AKAP13: variants seen among roughly 807,000 people sequenced by gnomAD.
AKAP13 encodes the protein A-kinase anchor protein 13.
In AKAP13, 80 loss-of-function variants were observed where a neutral mutation model predicts 264.5. That is an observed-to-expected ratio of 0.30 (90% CI 0.25 to 0.36). The LOEUF (loss-of-function observed/expected upper bound fraction) is 0.36. AKAP13 is among the 10% of genes least tolerant of loss of function. The probability of loss-of-function intolerance (pLI) is 1.00; values close to 1 mark genes in which losing one functional copy is unlikely to be tolerated. For synonymous variants in AKAP13, 1,380 were observed against 1,250.2 expected (o/e 1.10, Z -2.19); for missense variants, 3,712 against 3,435.2 (o/e 1.08, Z -2.01).
chr15:85,540,742 C>T (rs1250858752), intron 4 of AKAP13, among the ~76,000 whole-genome samples: 1 of 152,202 alleles, frequency 6.6e-6, no homozygotes, highest in Non-Finnish European at 1.5e-5. Context: ...CCCTTTGCAC[C>T]TTGGCCTCTT....
At position 85,581,717 on chromosome 15, in the gene AKAP13, C is replaced by A. The variant is rs777358897; in HGVS notation, c.3649C>A (p.Arg1217=). ...CCCAGCTGGTGTGAGGGAAGTCATG[C>A]GAGCCCCGCCTTCAGGCAGGGAAAG... ...GAPAGVREVM[R]APPSGRERST... Residue 1217 remains arginine (R), a synonymous_variant, in exon 7 of 37, where the codon CGA becomes AGA. Transcript: ENST00000394518. 1 of 1,614,134 alleles carries A rather than the reference C, an allele frequency of 6.2e-7. No individual in the cohort carries two copies. The highest frequency in any genetic ancestry group is 8.5e-7 in the Non-Finnish European group (1 of 1,180,012).
At chr15:85,456,424 C>T (rs945671712) in intron 1 of AKAP13, among the ~76,000 whole-genome samples, 3 of 152,142 alleles carry the variant, frequency 2.0e-5, no homozygotes, top group Non-Finnish European at 2.9e-5. Context: ...GGGACACCCA[C>T]TGCTCTCACT....
chr15:85,682,704 G>A (rs1190696366), intron 15 of AKAP13, among the ~76,000 whole-genome samples: 1 of 151,684 alleles, frequency 6.6e-6, no homozygotes, highest in African/African-American at 2.4e-5. Flanking sequence ...TTTCGCTCTT[G>A]TTGCCCAGGC....
At chr15:85,613,191 A>G (rs1400162108) in intron 8 of AKAP13, among the ~76,000 whole-genome samples, 1 of 152,240 alleles carries the variant, frequency 6.6e-6, no homozygotes, top group Non-Finnish European at 1.5e-5. Flanking sequence ...ATCAAACAGT[A>G]CACTGCATGA....
At chr15:85,418,575 C>T (rs943977796) in intron 1 of AKAP13, among the ~76,000 whole-genome samples, 13 of 152,228 alleles carry the variant, frequency 8.5e-5, no homozygotes, top group African/African-American at 2.4e-4. Flanking sequence ...ACCAAGACTT[C>T]GGTTTTGCAT....
chr15:85,465,345 T>A (rs909063530), intron 1 of AKAP13, among the ~76,000 whole-genome samples: 9 of 152,128 alleles, frequency 5.9e-5, no homozygotes, highest in South Asian at 2.1e-4. Context: ...TAGTCATTTT[T>A]AAAAAAAATT....
At chr15:85,638,380 T>G (rs2082158383) in intron 8 of AKAP13, among the ~76,000 whole-genome samples, 1 of 152,178 alleles carries the variant, frequency 6.6e-6, no homozygotes, top group Admixed American at 6.5e-5. Flanking sequence ...TATGAACATT[T>G]GTTTTATTTG....
intron 1 of AKAP13, among the ~76,000 whole-genome samples, chr15:85,471,181 A>G (rs1380966605): frequency 6.6e-6 from 1 of 152,198 alleles, no homozygotes; most frequent in African/African-American, 2.4e-5. Flanking sequence ...TTGTTTGAAG[A>G]TATTTTTTAA....
At chr15:85,686,187 A>G (rs1322006215) in intron 16 of AKAP13, among the ~76,000 whole-genome samples, 1 of 38,052 alleles carries the variant, frequency 2.6e-5, no homozygotes, top group Admixed American at 2.8e-4. Flanking sequence ...GTGCACGTGC[A>G]TGCATGTGTG....
At chr15:85,585,534 C>A (rs2079303044) in intron 7 of AKAP13, among the ~76,000 whole-genome samples, 168 bp from the exon 8 acceptor site, 1 of 152,176 alleles carries the variant, frequency 6.6e-6, no homozygotes, top group African/African-American at 2.4e-5. Flanking sequence ...AAAGGAATAG[C>A]TCAGCATAGG....
At chr15:85,485,541 C>CG (rs1407899225) in intron 1 of AKAP13, among the ~76,000 whole-genome samples, 169 bp from the exon 2 acceptor site, 6 of 152,120 alleles carry the variant, frequency 3.9e-5, no homozygotes, top group African/African-American at 1.4e-4. Context: ...TTCCTGACCC[C>CG]GCTTCCTTCC....
At chr15:85,636,763 C>T (rs1466785657) in intron 8 of AKAP13, among the ~76,000 whole-genome samples, 1 of 152,092 alleles carries the variant, frequency 6.6e-6, no homozygotes, top group Non-Finnish European at 1.5e-5. Context: ...TACAGAGACC[C>T]ACCACCACAC....
intron 8 of AKAP13, among the ~76,000 whole-genome samples, chr15:85,593,172 C>T (rs910326888): frequency 1.3e-5 from 2 of 151,992 alleles, no homozygotes; most frequent in East Asian, 1.9e-4. Flanking sequence ...ATTAGCAGGG[C>T]GTGGTGGTGC....
chr15:85,621,304 C>T (rs138802095), intron 8 of AKAP13: 1 of 152,344 alleles, frequency 6.6e-6, no homozygotes, highest in East Asian at 1.9e-4. Flanking sequence ...TCCATAATCA[C>T]TGTCAGGTGG....
intron 2 of AKAP13, among the ~76,000 whole-genome samples, chr15:85,502,294 A>T (rs747688940): frequency 6.6e-5 from 10 of 152,158 alleles, no homozygotes; most frequent in Non-Finnish European, 1.0e-4. Flanking sequence ...ATATTACAGG[A>T]TTTTTCATGA....
chr15:85,664,882 T>A, intron 13 of AKAP13, 127 bp downstream of exon 13: 1 of 889,178 alleles, frequency 1.1e-6, no homozygotes, highest in Non-Finnish European at 1.6e-6. Context: ...ATACTTAATC[T>A]AGCACTAAAC....
chr15:85,586,408 T>C (rs7170901), intron 8 of AKAP13, among the ~76,000 whole-genome samples: 93,496 of 151,738 alleles, frequency 0.62, 28,931 homozygotes, highest in Middle Eastern at 0.72. Flanking sequence ...GGTTTTGCCA[T>C]GTTGGCCAGG....
At chr15:85,567,248 C>A (rs551332366) in intron 5 of AKAP13, among the ~76,000 whole-genome samples, 23 of 152,102 alleles carry the variant, frequency 1.5e-4, no homozygotes, top group African/African-American at 5.3e-4. Flanking sequence ...GCTGGGACTA[C>A]AGGCGTGTAC....
chr15:85,504,480 G>A (rs1183365537), intron 2 of AKAP13, among the ~76,000 whole-genome samples: 1 of 120,204 alleles, frequency 8.3e-6, no homozygotes, highest in East Asian at 3.0e-4. Context: ...CAGCCTATGC[G>A]ATGTGGTGAG....
Sources: gnomAD v4.1 joint callset for allele counts (sites outside exome capture counted in the v4.1 genomes callset) on GRCh38, gnomAD v4.1.1 for gene constraint, MANE v1.5 for transcripts, NCBI Gene and HGNC (gene_info 2026-07-23, HGNC 2026-07-21) for gene names.